The following PIK3CG variants were observed in gnomAD, a reference collection of about 807,000 sequenced individuals.
PIK3CG encodes the protein phosphatidylinositol 4,5-bisphosphate 3-kinase catalytic subunit gamma isoform.
PIK3CG carries 55 observed loss-of-function variants against 102.3 expected under a neutral mutation model. That is an observed-to-expected ratio of 0.54 (90% CI 0.43 to 0.67). PIK3CG has a LOEUF of 0.67. Among genes scored for constraint, PIK3CG ranks in the 30% least tolerant of loss-of-function variants. The probability of loss-of-function intolerance (pLI) is 0.00; values close to 1 mark genes in which losing one functional copy is unlikely to be tolerated. For missense variants in PIK3CG, 1,258 were observed against 1,391.8 expected, an observed-to-expected ratio of 0.90 and a Z score of 1.53; for synonymous variants, 552 against 540.0, an observed-to-expected ratio of 1.02 and a Z score of -0.31.
rs764432389 is a variant in PIK3CG at position 106,868,785 on chromosome 7, G to T, written c.1224G>T (p.Val408=). The change falls in exon 2 of 11, where the codon GTG becomes GTT. Residue 408 remains valine, a synonymous_variant. Transcript: ENST00000496166. The surrounding 1 kb of genome is among the most constrained non-coding windows in gnomAD (Gnocchi z 6.2). The part of the protein sequence containing the change: ...RTSPKPFTEE[V]LWNVWLEFSI... Reference sequence around the variant, plus strand: ...GCCCCAAACCCTTCACAGAGGAGGTGCTGTGGAATGTGTGGCTTGAGTTCA... The same window carrying T: ...GCCCCAAACCCTTCACAGAGGAGGTTCTGTGGAATGTGTGGCTTGAGTTCA... The T allele has an allele frequency of 1.9e-6, 3 of 1,614,246 alleles. No homozygotes were observed. The highest frequency in any genetic ancestry group is 1.3e-5 in the African/African-American group (1 of 75,060).
intron 10 of PIK3CG, among the ~76,000 whole-genome samples, chr7:106,896,214 T>C (rs1340183952): frequency 6.6e-6 from 1 of 152,196 alleles, no homozygotes; most frequent in African/African-American, 2.4e-5. Flanking sequence ...AATTCCTGCA[T>C]CACTGCTTAA....
chr7:106,878,227 A>C (rs1423382678), intron 5 of PIK3CG, among the ~76,000 whole-genome samples: 1 of 151,868 alleles, frequency 6.6e-6, no homozygotes, highest in South Asian at 2.1e-4. Flanking sequence ...TCTGATGATG[A>C]GTCTTATCTT....
Position 106,879,668 on chromosome 7 carries a change from A to G in PIK3CG, c.2538+3A>G, listed in dbSNP as rs1385820885. 6.2e-7 allele frequency: 1 copy of G among 1,604,206 alleles called. No homozygotes were observed. The highest frequency in any genetic ancestry group is 2.2e-5 in the East Asian group (1 of 44,814). On this transcript the variant is annotated splice_donor_region_variant and intron_variant, in intron 6 of 10. Transcript: ENST00000496166. The surrounding 1 kb of genome is among the most constrained non-coding windows in gnomAD (Gnocchi z 4.9). ...GCCAAGACATGCTTATTTTACAGGT[A>G]TGCTAATTTTAAGATTGTTTTCAAT...
Position 106,893,895 on chromosome 7 carries a change from A to G in PIK3CG, c.3030+7603A>G, listed in dbSNP as rs776866637. Among the ~76,000 whole-genome samples the G allele has an allele frequency of 6.6e-6, 1 of 152,196 alleles. No homozygotes were observed. The highest frequency in any genetic ancestry group is 2.4e-5 in the African/African-American group (1 of 41,442). On this transcript the variant is annotated intron_variant, in intron 10 of 10. Transcript: ENST00000496166. The surrounding 1 kb of genome is among the most constrained non-coding windows in gnomAD (Gnocchi z 4.4). ...ATATAGCCTATTGCTCCCAGGCTCC[A>G]AACCTGTACAGCATGTTACTTACTG...
rs1228050692 is a variant in PIK3CG, at chr7:106,872,654, A to G, written c.2061+52A>G. ...GTGAAATTTTAAGTTGCCAAGAATT[A>G]ACTGGTAGACCTAAAGCATTAGTCA... On this transcript the variant is annotated intron_variant, in intron 3 of 10. Coordinates refer to ENST00000496166, the MANE Select transcript of PIK3CG (RefSeq NM_001282426.2). The surrounding 1 kb of genome is among the most constrained non-coding windows in gnomAD (Gnocchi z 5.3). 3.1e-6 allele frequency: 5 copies of G among 1,595,228 alleles called. No homozygotes were observed. The highest frequency in any genetic ancestry group is 3.4e-6 in the Non-Finnish European group (4 of 1,162,726).
Position 106,884,481 on chromosome 7 carries a change from C to G in PIK3CG, c.2872+215C>G, listed in dbSNP as rs1221996916. Among the ~76,000 whole-genome samples the G allele has an allele frequency of 6.6e-6, 1 of 152,202 alleles. No individual in the cohort carries two copies. Among genetic ancestry groups the G allele is most frequent in the East Asian group, 1.9e-4 (1 of 5,198 alleles). Reference sequence around the variant, plus strand: ...CATTAAACACTAACTCCCCATGCCTCCCTCCTTTCAGAACGGAGTAGTCTT... The same window carrying G: ...CATTAAACACTAACTCCCCATGCCTGCCTCCTTTCAGAACGGAGTAGTCTT... On this transcript the variant is annotated intron_variant, in intron 9 of 10. Coordinates refer to ENST00000496166, the MANE Select transcript of PIK3CG (RefSeq NM_001282426.2). This position sits in a 1 kb window ranked among gnomAD's most constrained non-coding sequence, Gnocchi z 4.2.
chr7:106,878,394 A>T (rs969767657), intron 5 of PIK3CG, among the ~76,000 whole-genome samples: 1 of 152,110 alleles, frequency 6.6e-6, no homozygotes, highest in African/African-American at 2.4e-5. Flanking sequence ...TTGTGAGTTT[A>T]TAGTCTATCA....
At position 106,879,800 on chromosome 7, in the gene PIK3CG, G is replaced by C; in HGVS notation, c.2538+135G>C. 1.4e-6 allele frequency: 1 copy of C among 702,956 alleles called. No homozygotes were observed. Among genetic ancestry groups the C allele is most frequent in the Non-Finnish European group, 2.3e-6 (1 of 427,172 alleles). The allele number at this position is 702,956 out of a possible 1,614,324, so 43.5% of individuals were successfully genotyped here. A position where few individuals can be genotyped will look rare whatever the true frequency, so the allele number is the denominator to read the frequency against. The stretch of plus-strand genomic sequence containing the variant: ...AATTGTGATCAAATATTACATCATA[G>C]AGAGTTTTCACTTGGGGAATTTGGC... On this transcript the variant is annotated intron_variant, in intron 6 of 10. Transcript: ENST00000496166. This position sits in a 1 kb window ranked among gnomAD's most constrained non-coding sequence, Gnocchi z 4.9.
rs914482927 is a variant in PIK3CG, at chr7:106,869,585, G to T, written c.1995+29G>T. ...GGGGATGTTGGTGTTATCAATGGAAGCCTTCTCAAAAGGAATTGATTTGCA... is the reference window on the plus strand; with the variant it reads ...GGGGATGTTGGTGTTATCAATGGAATCCTTCTCAAAAGGAATTGATTTGCA... On this transcript the variant is annotated intron_variant, in intron 2 of 10. Transcript: ENST00000496166. This position sits in a 1 kb window ranked among gnomAD's most constrained non-coding sequence, Gnocchi z 5.3. 4 of 1,529,976 alleles carry T rather than the reference G, an allele frequency of 2.6e-6. No individual in the cohort carries two copies. Among genetic ancestry groups the T allele is most frequent in the Non-Finnish European group, 3.5e-6 (4 of 1,131,628 alleles). The allele number at this position is 1,529,976 out of a possible 1,614,324, so 94.8% of individuals were successfully genotyped here. A position where few individuals can be genotyped will look rare whatever the true frequency, so the allele number is the denominator to read the frequency against.
At position 106,868,869 on chromosome 7, in the gene PIK3CG, T is replaced by C. The variant is rs1339536781; in HGVS notation, c.1308T>C (p.Gly436=). The change falls in exon 2 of 11, where the codon GGT becomes GGC. Residue 436 remains glycine (G), a synonymous_variant. Coordinates refer to ENST00000496166, the MANE Select transcript of PIK3CG (RefSeq NM_001282426.2). The surrounding 1 kb of genome is among the most constrained non-coding windows in gnomAD (Gnocchi z 6.2). The stretch of plus-strand genomic sequence containing the variant: ...TACTGAACCTCCAGATCTACTGCGG[T>C]AAAGCTCCAGCACTGTCCAGCAAGG... ...GALLNLQIYC[G]KAPALSSKAS... 2 of 1,614,206 alleles carry C rather than the reference T, an allele frequency of 1.2e-6. No homozygotes were observed. The highest frequency in any genetic ancestry group is 1.7e-6 in the Non-Finnish European group (2 of 1,180,032).
At chr7:106,898,904 G>T (rs1791475656) in intron 10 of PIK3CG, among the ~76,000 whole-genome samples, 2 of 152,082 alleles carry the variant, frequency 1.3e-5, no homozygotes, top group Non-Finnish European at 2.9e-5. Context: ...TTCTAGTTCT[G>T]TGAAGAATGT....
rs1158599725 is a variant in PIK3CG at position 106,902,271 on chromosome 7, G to A, written c.3031-2838G>A. On this transcript the variant is annotated intron_variant, in intron 10 of 10. Transcript: ENST00000496166. This position sits in a 1 kb window ranked among gnomAD's most constrained non-coding sequence, Gnocchi z 4.3. ...TCTTGTGTCAAGCAATGCGGGGGGT[G>A]TGTGGGATGCACGGGAGACACACTG... Among the ~76,000 whole-genome samples the A allele has an allele frequency of 5.3e-5, 8 of 152,150 alleles. No homozygotes were observed. The highest frequency in any genetic ancestry group is 1.4e-4 in the African/African-American group (6 of 41,436).
At chr7:106,876,901 T>C (rs1790765825) in intron 5 of PIK3CG, among the ~76,000 whole-genome samples, 1 of 152,150 alleles carries the variant, frequency 6.6e-6, no homozygotes, top group Non-Finnish European at 1.5e-5. Flanking sequence ...GTGTCTTATC[T>C]AAGAAATCTG....
At position 106,869,631 on chromosome 7, in the gene PIK3CG, A is replaced by G. The variant is rs1526083; in HGVS notation, c.1995+75A>G. 0.39 allele frequency: 480,381 copies of G among 1,233,084 alleles called. 94,654 individuals are homozygous for G. Among genetic ancestry groups the G allele is most frequent in the East Asian group, 0.48 (18,828 of 39,160 alleles). 76.4% of individuals were successfully genotyped at this position (1,233,084 alleles called of 1,614,324 possible). A position where few individuals can be genotyped will look rare whatever the true frequency, so the allele number is the denominator to read the frequency against. On this transcript the variant is annotated intron_variant, in intron 2 of 10. Transcript: ENST00000496166. The surrounding 1 kb of genome is among the most constrained non-coding windows in gnomAD (Gnocchi z 5.3). ...TTGCATATGCACAGGCACTCCATTC[A>G]GTTGTCATCAAATGCCCTTTGTTCA...
intron 7 of PIK3CG, 54 bp from the exon 8 acceptor site, chr7:106,882,979 C>T (rs1198544507): frequency 2.0e-6 from 3 of 1,524,264 alleles, no homozygotes; most frequent in African/African-American, 2.8e-5. Context: ...CTTTCCTCCT[C>T]TGGGCCAGGT....
At position 106,879,680 on chromosome 7, in the gene PIK3CG, A is replaced by G. The variant is rs1389189193; in HGVS notation, c.2538+15A>G. ...TTATTTTACAGGTATGCTAATTTTA[A>G]GATTGTTTTCAATTATCTGAAAACA... On this transcript the variant is annotated intron_variant, in intron 6 of 10. Coordinates refer to ENST00000496166, the MANE Select transcript of PIK3CG (RefSeq NM_001282426.2). This position sits in a 1 kb window ranked among gnomAD's most constrained non-coding sequence, Gnocchi z 4.9. The G allele has an allele frequency of 1.3e-6, 2 of 1,598,290 alleles. No individual in the cohort carries two copies. Among genetic ancestry groups the G allele is most frequent in the Non-Finnish European group, 1.7e-6 (2 of 1,168,884 alleles).
In PIK3CG at chr7:106,899,676, G is replaced by A. The variant is rs376440056; in HGVS notation, c.3031-5433G>A. Among the ~76,000 whole-genome samples the A allele has an allele frequency of 8.5e-5, 13 of 152,128 alleles. No homozygotes were observed. The highest frequency in any genetic ancestry group is 1.2e-4 in the African/African-American group (5 of 41,440). On this transcript the variant is annotated intron_variant, in intron 10 of 10. Coordinates refer to ENST00000496166, the MANE Select transcript of PIK3CG (RefSeq NM_001282426.2). This position sits in a 1 kb window ranked among gnomAD's most constrained non-coding sequence, Gnocchi z 4.6. ...GTGAGAATCACATTTATTGATTTGC[G>A]TATGTTGAACCAACCTTACATCCTG...
Position 106,884,126 on chromosome 7 carries a change from C to T in PIK3CG, c.2761-29C>T. ...CATGATGCTTTTTGTAGTTAGAAGA[C>T]AACTAATATTCAAATGCATTTTAAT... On this transcript the variant is annotated intron_variant, in intron 8 of 10. Coordinates refer to ENST00000496166, the MANE Select transcript of PIK3CG (RefSeq NM_001282426.2). This position sits in a 1 kb window ranked among gnomAD's most constrained non-coding sequence, Gnocchi z 4.2. The T allele has an allele frequency of 6.9e-7, 1 of 1,442,472 alleles. No individual in the cohort carries two copies. The highest frequency in any genetic ancestry group is 1.4e-5 in the African/African-American group (1 of 71,656). The allele number at this position is 1,442,472 out of a possible 1,614,324, so 89.4% of individuals were successfully genotyped here.
chr7:106,868,015 C>G lies in PIK3CG; in HGVS notation c.454C>G (p.Arg152Gly). Residue 152 changes from arginine to glycine, a missense_variant, in exon 2 of 11, where the codon CGG (arginine) becomes GGG (glycine). Physicochemically the swap from Arg to Gly is moderately radical, Grantham distance 125. This residue lies in a region of PIK3CG where 832 missense variants were observed against 787.5 expected (regional missense o/e 1.06). Transcript: ENST00000496166. The surrounding 1 kb of genome is among the most constrained non-coding windows in gnomAD (Gnocchi z 6.2). ...PPSEESQAFQ[R>G]QLTALIGYDV... is the part of the protein sequence containing the mutation. ...CTCCGAGGAGTCCCAAGCCTTCCAG[C>G]GGCAGCTCACGGCGCTGATTGGCTA... The G allele has an allele frequency of 1.2e-6, 2 of 1,611,752 alleles. No homozygotes were observed. Among genetic ancestry groups the G allele is most frequent in the Non-Finnish European group, 1.7e-6 (2 of 1,178,872 alleles).
Sources: allele counts gnomAD v4.1 joint callset (sites outside exome capture counted in the v4.1 genomes callset), GRCh38; gene constraint gnomAD v4.1.1; regional missense constraint gnomAD v4.1.1; non-coding constraint Gnocchi (gnomAD v3.1); transcripts MANE v1.5; gene names NCBI Gene and HGNC (gene_info 2026-07-23, HGNC 2026-07-21).